Variants in LINC00632 observed in about 807,000 individuals in gnomAD.
LINC00632 encodes long independently transcribed non-coding RNA 632, also known as ALDOA related specific transcript.
intron 2 of LINC00632, among the ~76,000 whole-genome samples, chrX:140,732,654 A>G (rs928808827): frequency 8.9e-6 from 1 of 112,036 alleles, no homozygotes; most frequent in African/African-American, 3.3e-5. Flanking sequence ...ATCATGCCAC[A>G]AACAGAAACA....
chrX:140,768,541 T>C (rs894378085), intron 3 of LINC00632, among the ~76,000 whole-genome samples: 6 of 101,082 alleles, frequency 5.9e-5, no homozygotes, highest in African/African-American at 2.2e-4. Context: ...ATAACACATA[T>C]AATATATATA....
intron 3 of LINC00632, among the ~76,000 whole-genome samples, chrX:140,758,443 A>G (rs1230938555): frequency 9.9e-6 from 1 of 101,269 alleles, no homozygotes; most frequent in African/African-American, 3.7e-5. Flanking sequence ...GTGTGATCTC[A>G]GCTCACTGCA....
At chrX:140,788,142 CAAA>C (rs940121886) in exon 5 of LINC00632, among the ~76,000 whole-genome samples, 1 of 102,238 alleles carries the variant, frequency 9.8e-6, no homozygotes, top group African/African-American at 3.6e-5. Context: ...TATTAAAAAG[CAAA>C]AAAAAAATTG....
chrX:140,785,414 C>G (rs2148406550), exon 5 of LINC00632, among the ~76,000 whole-genome samples: 1 of 112,140 alleles, frequency 8.9e-6, no homozygotes, highest in South Asian at 3.7e-4. Context: ...AATAATGGAG[C>G]CAGATTTAAA....
At chrX:140,719,256 C>A (rs1930688973) in intron 2 of LINC00632, among the ~76,000 whole-genome samples, 2 of 111,379 alleles carry the variant, frequency 1.8e-5, no homozygotes, top group Admixed American at 9.6e-5. Context: ...CCATATCACC[C>A]AGATGTGACC....
exon 5 of LINC00632, among the ~76,000 whole-genome samples, chrX:140,777,033 C>T (rs1352476126): frequency 1.9e-5 from 2 of 107,262 alleles, no homozygotes; most frequent in Non-Finnish European, 3.8e-5. Context: ...AGCAAACTAA[C>T]ACAGGAACAG....
At chrX:140,726,661 G>A (rs1930968027) in intron 2 of LINC00632, among the ~76,000 whole-genome samples, 1 of 111,147 alleles carries the variant, frequency 9.0e-6, no homozygotes, top group African/African-American at 3.3e-5. Flanking sequence ...CTACAATGGC[G>A]ACTTACCTCA....
intron 3 of LINC00632, among the ~76,000 whole-genome samples, chrX:140,760,652 T>C (rs775453852): frequency 4.7e-4 from 52 of 111,319 alleles, no homozygotes; most frequent in Non-Finnish European, 8.3e-4. Flanking sequence ...GCGCCTGTAA[T>C]CCCAGCTACT....
At chrX:140,742,165 C>T (rs1449132261) in intron 3 of LINC00632, among the ~76,000 whole-genome samples, 1 of 111,479 alleles carries the variant, frequency 9.0e-6, no homozygotes, top group East Asian at 2.8e-4. Context: ...GAAAGCTTTC[C>T]CAGGGGCACT....
exon 5 of LINC00632, among the ~76,000 whole-genome samples, chrX:140,785,210 C>T (rs5954094): frequency 7.2e-5 from 7 of 97,511 alleles, no homozygotes; most frequent in South Asian, 8.8e-4. Context: ...ATAATAATAA[C>T]AACAACAACA....
chrX:140,734,406 T>C (rs773725278), intron 3 of LINC00632, among the ~76,000 whole-genome samples: 54 of 111,771 alleles, frequency 4.8e-4, no homozygotes, highest in Non-Finnish European at 9.4e-4. Context: ...ACCATACCCA[T>C]TTGATATTCA....
chrX:140,785,207 T>C lies in LINC00632; in HGVS notation n.13226T>C, dbSNP rs751312861. ...AATATAATAATAATAATAATAATAA[T>C]AACAACAACAACACTTAACATAGCA... On this transcript the variant is annotated non_coding_transcript_exon_variant, in exon 5 of 5. Coordinates refer to ENST00000648200, the Ensembl canonical transcript of LINC00632. Among the ~76,000 whole-genome samples, 130 of 110,187 alleles carry C rather than the reference T, an allele frequency of 1.2e-3. 1 individual carries two copies. The highest frequency in any genetic ancestry group is 3.6e-3 in the African/African-American group (110 of 30,450).
rs185781191 is a variant in LINC00632, at chrX:140,785,211, A to G, written n.13230A>G. Among the ~76,000 whole-genome samples, 615 of 110,701 alleles carry G rather than the reference A, an allele frequency of 5.6e-3. 2 individuals carry two copies. The highest frequency in any genetic ancestry group is 0.019 in the African/African-American group (594 of 30,591). ...TAATAATAATAATAATAATAATAAC[A>G]ACAACAACACTTAACATAGCATTTG... On this transcript the variant is annotated non_coding_transcript_exon_variant, in exon 5 of 5. Transcript: ENST00000648200.
intron 2 of LINC00632, among the ~76,000 whole-genome samples, chrX:140,731,653 C>T (rs763750483): frequency 1.8e-5 from 2 of 111,765 alleles, no homozygotes; most frequent in South Asian, 3.8e-4. Context: ...ACACCCAATG[C>T]GTGAATATAT....
chrX:140,782,029 A>G (rs1931941507), exon 5 of LINC00632, among the ~76,000 whole-genome samples: 1 of 112,261 alleles, frequency 8.9e-6, no homozygotes, highest in South Asian at 3.7e-4. Flanking sequence ...CAGTTCATTG[A>G]GACTATGAAG....
intron 2 of LINC00632, among the ~76,000 whole-genome samples, chrX:140,724,111 T>TAC (rs752758055): frequency 3.5e-5 from 2 of 57,195 alleles, no homozygotes; most frequent in East Asian, 6.4e-4. Context: ...ATATTCCATA[T>TAC]ACACACACAC....
At chrX:140,740,249 A>G (rs1339255362) in intron 3 of LINC00632, among the ~76,000 whole-genome samples, 2 of 111,920 alleles carry the variant, frequency 1.8e-5, no homozygotes, top group Non-Finnish European at 3.8e-5. Context: ...TTCATAAGTA[A>G]GCTGACAGAT....
chrX:140,757,708 A>G (rs1931518186), intron 3 of LINC00632, among the ~76,000 whole-genome samples: 1 of 111,195 alleles, frequency 9.0e-6, no homozygotes, highest in South Asian at 3.9e-4. Flanking sequence ...CTGGGATTAC[A>G]GACAAGCACC....
intron 2 of LINC00632, among the ~76,000 whole-genome samples, chrX:140,727,098 G>A (rs1930976363): frequency 9.0e-6 from 1 of 110,540 alleles, no homozygotes; most frequent in Non-Finnish European, 1.9e-5. Context: ...AATGCACAGA[G>A]CCACCAGACC....
Sources: allele counts gnomAD v4.1 joint callset (sites outside exome capture counted in the v4.1 genomes callset), GRCh38; gene constraint gnomAD v4.1.1; transcripts MANE v1.5; gene names NCBI Gene and HGNC (gene_info 2026-07-23, HGNC 2026-07-21).